ANPEP: variants seen among roughly 807,000 people sequenced by gnomAD.
ANPEP encodes alanyl aminopeptidase, membrane.
Under a neutral mutation model 114.6 loss-of-function variants are expected in ANPEP, and 70 were observed. The ratio of observed to expected loss-of-function variants is 0.61; its 90% CI spans 0.50 to 0.75. ANPEP has a LOEUF of 0.75. Ranked by LOEUF, ANPEP falls within the 30% of genes least tolerant of loss-of-function variation. The probability of loss-of-function intolerance (pLI) is 0.00; values close to 1 mark genes in which losing one functional copy is unlikely to be tolerated. For synonymous variants in ANPEP, 548 were observed against 522.3 expected (o/e 1.05, Z -0.67); for missense variants, 1,184 against 1,259.5 (o/e 0.94, Z 0.91).
At chr15:89,813,555 G>A (rs1405149889) in intron 1 of ANPEP, among the ~76,000 whole-genome samples, 1 of 152,174 alleles carries the variant, frequency 6.6e-6, no homozygotes, top group Non-Finnish European at 1.5e-5. Context: ...GTGGCTGAGA[G>A]TGGATGAGGG....
rs756566068 is a variant in ANPEP at position 89,805,161 on chromosome 15, T to A, written c.814A>T (p.Thr272Ser). ...AGCAAGTACGTGGACATCTTGGGCG[T>A]GGTGTGGAACTCAGTGACATTCCAG... ...PNWNVTEFHT[T>S]PKMSTYLLAF... Residue 272 changes from threonine to serine, a missense_variant, in exon 4 of 21, where the codon ACG (threonine) becomes TCG (serine). Thr to Ser is a moderately conservative substitution (Grantham distance 58). Transcript: ENST00000300060. 6.2e-7 allele frequency: 1 copy of A among 1,614,206 alleles called. No individual in the cohort carries two copies. The highest frequency in any genetic ancestry group is 2.2e-5 in the East Asian group (1 of 44,876).
At chr15:89,798,768 CA>C (rs1175856823) in intron 14 of ANPEP, among the ~76,000 whole-genome samples, 2 of 152,066 alleles carry the variant, frequency 1.3e-5, no homozygotes, top group African/African-American at 4.8e-5. Flanking sequence ...GGTGAAACCC[CA>C]TCTCTACTAA....
Position 89,804,566 on chromosome 15 carries a change from C to A in ANPEP, c.949G>T (p.Ala317Ser), listed in dbSNP as rs1177346686. The part of the protein sequence containing the change: ...SAIAAGHGDY[A>S]LNVTGPILNF... ...AGGATGGGGCCCGTCACGTTCAGGG[C>A]ATAATCGCCGTGGCCCGCCGCAATG... The change falls in exon 5 of 21, where the codon GCC (alanine) becomes TCC (serine). Residue 317 changes from alanine (A) to serine (S), a missense_variant. Physicochemically the swap from Ala to Ser is moderately conservative, Grantham distance 99. Transcript: ENST00000300060. 1 of 1,614,122 alleles carries A rather than the reference C, an allele frequency of 6.2e-7. No individual in the cohort carries two copies. The highest frequency in any genetic ancestry group is 1.7e-5 in the Admixed American group (1 of 60,022).
chr15:89,802,704 G>A (rs999653394), intron 10 of ANPEP: 40 of 161,206 alleles, frequency 2.5e-4, no homozygotes, highest in African/African-American at 6.3e-4. Context: ...GAGGAGCGGC[G>A]GCCTCTGGGG....
chr15:89,804,914 A>G (rs1894677398), intron 4 of ANPEP, 164 bp downstream of exon 4: 6 of 1,053,404 alleles, frequency 5.7e-6, no homozygotes, highest in Non-Finnish European at 6.9e-6. Context: ...TTTCAGGTGC[A>G]GAAATGGAGA....
chr15:89,810,036 C>A (rs1271641058), intron 1 of ANPEP, among the ~76,000 whole-genome samples: 3 of 152,180 alleles, frequency 2.0e-5, no homozygotes, highest in African/African-American at 4.8e-5. Flanking sequence ...CCCCACTCCC[C>A]TCTGCGCTTC....
At chr15:89,788,177 A>T (rs1348963227) in intron 20 of ANPEP, among the ~76,000 whole-genome samples, 2 of 152,266 alleles carry the variant, frequency 1.3e-5, no homozygotes, top group African/African-American at 4.8e-5. Flanking sequence ...CAAAATTTGC[A>T]CGTGAAGGTC....
rs573163468 is a variant in ANPEP, at chr15:89,804,198, G to A, written c.1179+55C>T. On this transcript the variant is annotated intron_variant, in intron 6 of 20. Coordinates refer to ENST00000300060, the MANE Select transcript of ANPEP (RefSeq NM_001150.3). ...CCGGGGCAGAGCCTGGACTTGCGCC[G>A]TCTCCTCTCGGAGCCCCTGTTTCCT... 484 of 1,605,720 alleles carry A rather than the reference G, an allele frequency of 3.0e-4. 2 individuals carry two copies. Among genetic ancestry groups the A allele is most frequent in the Middle Eastern group, 2.2e-3 (13 of 5,970 alleles).
At chr15:89,793,702 CAAA>C (rs56906048) in intron 15 of ANPEP, among the ~76,000 whole-genome samples, 2 of 79,162 alleles carry the variant, frequency 2.5e-5, no homozygotes, top group Non-Finnish European at 2.6e-5. Flanking sequence ...GACTCCATCT[CAAA>C]AAAAAAAAAA....
chr15:89,795,694 A>C (rs1968714570), intron 15 of ANPEP, among the ~76,000 whole-genome samples: 1 of 152,262 alleles, frequency 6.6e-6, no homozygotes, highest in Non-Finnish European at 1.5e-5. Flanking sequence ...CGCTCAATCC[A>C]GTGTGAGAGT....
At chr15:89,796,132 C>T (rs1212316684) in intron 15 of ANPEP, among the ~76,000 whole-genome samples, 2 of 152,216 alleles carry the variant, frequency 1.3e-5, no homozygotes, top group Non-Finnish European at 2.9e-5. Flanking sequence ...AGGAGGATCC[C>T]TTGAGCCTAG....
Position 89,803,724 on chromosome 15 carries a change from G to A in ANPEP, c.1360C>T (p.Pro454Ser), listed in dbSNP as rs1894645607. Residue 454 changes from proline to serine, a missense_variant, in exon 8 of 21, where the codon CCG (proline) becomes TCG (serine). By Grantham distance (74) the Pro-to-Ser change is moderately conservative (BLOSUM62 -1). Coordinates refer to ENST00000300060, the MANE Select transcript of ANPEP (RefSeq NM_001150.3). This position sits in a 1 kb window ranked among gnomAD's most constrained non-coding sequence, Gnocchi z 4.2. ...MAVDALASSH[P>S]LSTPASEINT... ...ATCTCCGAGGCGGGTGTGGACAGCG[G>A]GTGGGAGGAGGCCAGTGCATCCACT... 1 of 1,612,394 alleles carries A rather than the reference G, an allele frequency of 6.2e-7. No homozygotes were observed. The highest frequency in any genetic ancestry group is 8.5e-7 in the Non-Finnish European group (1 of 1,179,242).
At chr15:89,809,350 C>A (rs1162005170) in intron 1 of ANPEP, among the ~76,000 whole-genome samples, 7 of 152,234 alleles carry the variant, frequency 4.6e-5, no homozygotes, top group African/African-American at 1.7e-4. Context: ...CTTTTCTAAA[C>A]AAAGAAAGAG....
intron 15 of ANPEP, among the ~76,000 whole-genome samples, chr15:89,794,010 T>G (rs1367738700): frequency 1.3e-5 from 2 of 152,110 alleles, no homozygotes; most frequent in Non-Finnish European, 2.9e-5. Flanking sequence ...GTAAAAGGAA[T>G]AAACCCCCAA....
chr15:89,795,091 G>GA (rs57368902), intron 15 of ANPEP, among the ~76,000 whole-genome samples: 1,443 of 130,292 alleles, frequency 0.011, 19 homozygotes, highest in African/African-American at 0.033. Flanking sequence ...CGAGTCAATG[G>GA]AAAAAAAAAA....
In ANPEP at chr15:89,805,181, T is replaced by C. The variant is rs2141810244; in HGVS notation, c.794A>G (p.Asn265Ser). Reference sequence around the variant, plus strand: ...GGGCGTGGTGTGGAACTCAGTGACATTCCAGTTGGGGTCTTCTGGAAGTGG... The same window carrying C: ...GGGCGTGGTGTGGAACTCAGTGACACTCCAGTTGGGGTCTTCTGGAAGTGG... Reference protein sequence around the residue: ...STPLPEDPNWNVTEFHTTPKM... With the variant: ...STPLPEDPNWSVTEFHTTPKM... Residue 265 changes from asparagine to serine, a missense_variant, in exon 4 of 21, where the codon AAT (asparagine) becomes AGT (serine). By Grantham distance (46) the Asn-to-Ser change is conservative (BLOSUM62 1). Transcript: ENST00000300060. 5 of 1,614,224 alleles carry C rather than the reference T, an allele frequency of 3.1e-6. No homozygotes were observed. The highest frequency in any genetic ancestry group is 4.2e-6 in the Non-Finnish European group (5 of 1,180,038).
At position 89,803,298 on chromosome 15, in the gene ANPEP, G is replaced by A; in HGVS notation, c.1510C>T (p.Leu504Phe). The A allele has an allele frequency of 6.2e-7, 1 of 1,614,136 alleles. No homozygotes were observed. The highest frequency in any genetic ancestry group is 8.5e-7 in the Non-Finnish European group (1 of 1,179,976). ...DVFKQGLASY[L>F]HTFAYQNTIY... ...GTGTTCTGGTAGGCAAAGGTGTGGA[G>A]GTAGGACTGTGGAAAGACGGGGCAC... The change falls in exon 10 of 21, where the codon CTC becomes TTC. Residue 504 changes from leucine to phenylalanine, a missense_variant. Transcript: ENST00000300060. This position sits in a 1 kb window ranked among gnomAD's most constrained non-coding sequence, Gnocchi z 4.2.
rs1270826273 is a variant in ANPEP at position 89,801,113 on chromosome 15, C to G, written c.1817G>C (p.Arg606Thr). Residue 606 changes from arginine to threonine, a missense_variant and splice_region_variant, in exon 12 of 21, where the codon AGA becomes ACA. Coordinates refer to ENST00000300060, the MANE Select transcript of ANPEP (RefSeq NM_001150.3). Reference protein sequence around the residue: ...QQQDYWLIDVRAQNDLFSTSG... With the variant: ...QQQDYWLIDVTAQNDLFSTSG... ...CCCATAAGGCAGGGCTGGATTACCT[C>G]TTACATCTATCAGCCAGTAGTCCTG... The G allele has an allele frequency of 6.2e-7, 1 of 1,614,090 alleles. No homozygotes were observed. The highest frequency in any genetic ancestry group is 1.1e-5 in the South Asian group (1 of 91,084).
chr15:89,812,892 C>T, intron 1 of ANPEP, among the ~76,000 whole-genome samples: 1 of 152,262 alleles, frequency 6.6e-6, no homozygotes, highest in Non-Finnish European at 1.5e-5. Flanking sequence ...TTGAAGACCA[C>T]AGGAGAAGAC....
Sources: gnomAD v4.1 joint callset for allele counts (sites outside exome capture counted in the v4.1 genomes callset) on GRCh38, gnomAD v4.1.1 for gene constraint, Gnocchi (gnomAD v3.1) non-coding constraint, MANE v1.5 for transcripts, NCBI Gene and HGNC (gene_info 2026-07-23, HGNC 2026-07-21) for gene names.